Variants in PAQR7 observed in about 807,000 individuals in gnomAD.
The protein encoded by PAQR7 is membrane progestin receptor alpha.
In PAQR7, 14 loss-of-function variants were observed where a neutral mutation model predicts 24.6. The observed-to-expected ratio is 0.57, with a 90% CI of 0.38 to 0.89. The LOEUF is 0.89. Among genes scored for constraint, PAQR7 ranks in the 40% least tolerant of loss-of-function variants. The pLI is 0.00. For missense variants in PAQR7, 351 were observed against 444.0 expected (o/e 0.79, Z 1.88); for synonymous variants, 189 against 198.8 (o/e 0.95, Z 0.42).
chr1:25,862,581 C>T lies in PAQR7; in HGVS notation c.*218G>A. The T allele has an allele frequency of 1.7e-6, 1 of 571,946 alleles. No individual in the cohort carries two copies. Among genetic ancestry groups the T allele is most frequent in the South Asian group, 2.3e-5 (1 of 44,142 alleles). The allele number at this position is 571,946 out of a possible 1,614,324, so 35.4% of individuals were successfully genotyped here. On this transcript the variant is annotated 3_prime_UTR_variant, in exon 3 of 3. Coordinates refer to ENST00000675840, the MANE Select transcript of PAQR7 (RefSeq NM_178422.6). ...CGTTAACTCTTTCCCTCTCCCTGGG[C>T]AAGGAGCTGGGGCAGGCCCAGGAGT... is the stretch of plus-strand genomic sequence containing the variant.
intron 2 of PAQR7, among the ~76,000 whole-genome samples, chr1:25,866,886 C>G (rs924466351): frequency 6.6e-6 from 1 of 152,200 alleles, no homozygotes; most frequent in East Asian, 1.9e-4. Context: ...GTGCCCGCCA[C>G]CACGCCCAGC....
At chr1:25,865,129 A>G (rs2048546219) in intron 2 of PAQR7, among the ~76,000 whole-genome samples, 1 of 148,532 alleles carries the variant, frequency 6.7e-6, no homozygotes, top group African/African-American at 2.5e-5. Flanking sequence ...CCTGGGTGAC[A>G]GCGAGACTCC....
intron 2 of PAQR7, among the ~76,000 whole-genome samples, chr1:25,864,491 C>T (rs184947083): frequency 6.6e-6 from 1 of 152,350 alleles, no homozygotes; most frequent in Admixed American, 6.5e-5. Context: ...TGTAGCTTTA[C>T]ACGAGCCGTT....
chr1:25,866,350 C>G (rs952171964), intron 2 of PAQR7, among the ~76,000 whole-genome samples: 29 of 152,152 alleles, frequency 1.9e-4, no homozygotes, highest in Non-Finnish European at 4.1e-4. Flanking sequence ...TACTGCTCCC[C>G]CAATCCCACT....
intron 2 of PAQR7, among the ~76,000 whole-genome samples, chr1:25,865,264 G>A (rs192276256): frequency 1.4e-4 from 21 of 152,182 alleles, no homozygotes; most frequent in East Asian, 1.9e-4. Context: ...ATCCTTTGAC[G>A]ATTTTCACAT....
Position 25,863,749 on chromosome 1 carries a change from AGACAGGC to A in PAQR7, c.84_90del (p.Glu28AspfsTer44). ...GGCACCTCAGCTCGATCCACCGTGA[AGACAGGC>A]TCTGGCTGCAGAGATAGCTGAGGCT... On this transcript the variant is annotated frameshift_variant, in exon 3 of 3. Coordinates refer to ENST00000675840, the MANE Select transcript of PAQR7 (RefSeq NM_178422.6). LOFTEE classifies it high-confidence loss of function. The surrounding 1 kb of genome is among the most constrained non-coding windows in gnomAD (Gnocchi z 6.1). The A allele has an allele frequency of 6.2e-7, 1 of 1,613,722 alleles. No individual in the cohort carries two copies. Among genetic ancestry groups the A allele is most frequent in the Non-Finnish European group, 8.5e-7 (1 of 1,179,964 alleles).
intron 2 of PAQR7, among the ~76,000 whole-genome samples, chr1:25,869,141 A>G (rs993238652): frequency 6.6e-6 from 1 of 152,116 alleles, no homozygotes; most frequent in Non-Finnish European, 1.5e-5. Flanking sequence ...AGAAAAAAAA[A>G]AGCCAGTTTA....
chr1:25,870,100 G>A (rs1349235098), intron 2 of PAQR7, among the ~76,000 whole-genome samples: 2 of 152,188 alleles, frequency 1.3e-5, no homozygotes, highest in African/African-American at 4.8e-5. Flanking sequence ...AAAAGCAGGG[G>A]CAGGGGTCAA....
At chr1:25,868,854 C>T (rs930021658) in intron 2 of PAQR7, among the ~76,000 whole-genome samples, 3 of 151,998 alleles carry the variant, frequency 2.0e-5, no homozygotes, top group East Asian at 1.9e-4. Context: ...TGAGGCCGGG[C>T]GCAGTGGCTC....
Position 25,863,829 on chromosome 1 carries a change from G to C in PAQR7, c.11C>G (p.Ala4Gly). ...CGGCAGGAGGTGGCTGAGTTTCTGG[G>C]CCATGGCCATGGCTGTGGGCCTGGG... MAMAQKLSHLLPSL... is the reference protein window; with the variant it reads MAMGQKLSHLLPSL... Residue 4 changes from alanine to glycine, a missense_variant, in exon 3 of 3, where the codon GCC (alanine) becomes GGC (glycine). Physicochemically the swap from Ala to Gly is moderately conservative, Grantham distance 60. Transcript: ENST00000675840. The surrounding 1 kb of genome is among the most constrained non-coding windows in gnomAD (Gnocchi z 6.1). 1 of 1,610,520 alleles carries C rather than the reference G, an allele frequency of 6.2e-7. No homozygotes were observed. The highest frequency in any genetic ancestry group is 8.5e-7 in the Non-Finnish European group (1 of 1,178,184).
Position 25,862,874 on chromosome 1 carries a change from C to T in PAQR7, c.966G>A (p.Thr322=), listed in dbSNP as rs751929346. ...PHNFSGLFLL[T]VGSSILTAFL... is the part of the protein sequence containing the mutation. ...ATGCAGTGAGGATGCTGCTGCCCACCGTGAGCAGGAAGAGGCCAGAAAAGT... is the reference window on the plus strand; with the variant it reads ...ATGCAGTGAGGATGCTGCTGCCCACTGTGAGCAGGAAGAGGCCAGAAAAGT... The change falls in exon 3 of 3, where the codon ACG becomes ACA. Residue 322 remains threonine (T), a synonymous_variant. Transcript: ENST00000675840. The T allele has an allele frequency of 1.6e-5, 26 of 1,614,058 alleles. No individual in the cohort carries two copies. The highest frequency in any genetic ancestry group is 1.1e-4 in the South Asian group (10 of 91,082).
intron 2 of PAQR7, among the ~76,000 whole-genome samples, chr1:25,869,990 A>AC (rs1411395523): frequency 6.6e-6 from 1 of 152,020 alleles, no homozygotes; most frequent in East Asian, 1.9e-4. Flanking sequence ...TTTTCTTTAG[A>AC]CCTCAGCTAG....
At chr1:25,869,244 A>G (rs575123122) in intron 2 of PAQR7, among the ~76,000 whole-genome samples, 26 of 151,940 alleles carry the variant, frequency 1.7e-4, no homozygotes, top group African/African-American at 5.6e-4. Flanking sequence ...TATTCTGCCC[A>G]TTTTGTTGTT....
chr1:25,870,212 T>C (rs1447625647), intron 2 of PAQR7, among the ~76,000 whole-genome samples: 1 of 152,122 alleles, frequency 6.6e-6, no homozygotes, highest in Non-Finnish European at 1.5e-5. Flanking sequence ...TGCTGGGCCC[T>C]GTCTATTCAG....
Position 25,862,655 on chromosome 1 carries a change from G to T in PAQR7, c.*144C>A. 1.1e-6 allele frequency: 1 copy of T among 915,342 alleles called. No individual in the cohort carries two copies. Among genetic ancestry groups the T allele is most frequent in the Non-Finnish European group, 1.6e-6 (1 of 610,196 alleles). 56.7% of individuals were successfully genotyped at this position (915,342 alleles called of 1,614,324 possible). On this transcript the variant is annotated 3_prime_UTR_variant, in exon 3 of 3. Transcript: ENST00000675840. ...TCCCTAAATCCAAGAATTGGCCAGT[G>T]ATGCCCTTGGCAGTTGAGTCGTGCA...
rs768054608 is a variant in PAQR7 at position 25,863,811 on chromosome 1, A to G, written c.29T>C (p.Leu10Pro). 6.2e-7 allele frequency: 1 copy of G among 1,612,866 alleles called. No homozygotes were observed. Residue 10 changes from leucine to proline, a missense_variant, in exon 3 of 3, where the codon CTC (leucine) becomes CCC (proline). Coordinates refer to ENST00000675840, the MANE Select transcript of PAQR7 (RefSeq NM_178422.6). This position sits in a 1 kb window ranked among gnomAD's most constrained non-coding sequence, Gnocchi z 6.1. ...GATGACCTGCCGCAGACTCGGCAGG[A>G]GGTGGCTGAGTTTCTGGGCCATGGC... MAMAQKLSH[L>P]LPSLRQVIQE...
intron 2 of PAQR7, among the ~76,000 whole-genome samples, chr1:25,869,535 G>A (rs992444040): frequency 6.8e-6 from 1 of 146,474 alleles, no homozygotes; most frequent in Non-Finnish European, 1.5e-5. Context: ...TCGTGCCACT[G>A]TACTCCAGTC....
Position 25,863,566 on chromosome 1 carries a change from A to C in PAQR7, c.274T>G (p.Phe92Val), listed in dbSNP as rs2048530539. The C allele has an allele frequency of 1.2e-6, 2 of 1,614,078 alleles. No individual in the cohort carries two copies. The highest frequency in any genetic ancestry group is 2.2e-5 in the South Asian group (2 of 91,080). The change falls in exon 3 of 3, where the codon TTT (phenylalanine) becomes GTT (valine). Residue 92 changes from phenylalanine to valine, a missense_variant. Phe to Val is a conservative substitution (Grantham distance 50, BLOSUM62 -1). Transcript: ENST00000675840. The surrounding 1 kb of genome is among the most constrained non-coding windows in gnomAD (Gnocchi z 6.1). ...ALVLLLRLAL[F>V]VETVDFWGDP... ...CCCCAGAAGTCCACGGTCTCCACAA[A>C]GAGGGCCAGCCGCAGCAGCAGTACC...
Position 25,875,338 on chromosome 1 carries a change from C to CCTGT in PAQR7, c.-109+146_-109+149dup, listed in dbSNP as rs1484113287. 6.6e-6 allele frequency among the ~76,000 whole-genome samples: 1 copy of CCTGT among 152,192 alleles called. No homozygotes were observed. Among genetic ancestry groups the CCTGT allele is most frequent in the Non-Finnish European group, 1.5e-5 (1 of 68,024 alleles). ...TGCTCCCCTCCGGCTCCGCGTCCTG[C>CCTGT]CTGTCTTCCCCGGGTCCCAAGTCCG... On this transcript the variant is annotated intron_variant, in intron 1 of 2. Transcript: ENST00000675840. This position sits in a 1 kb window ranked among gnomAD's most constrained non-coding sequence, Gnocchi z 5.4.
Sources: gnomAD v4.1 joint callset for allele counts (sites outside exome capture counted in the v4.1 genomes callset) on GRCh38, gnomAD v4.1.1 for gene constraint, Gnocchi (gnomAD v3.1) non-coding constraint, MANE v1.5 for transcripts, NCBI Gene and HGNC (gene_info 2026-07-23, HGNC 2026-07-21) for gene names.